CCDC126: variants seen among roughly 807,000 people sequenced by gnomAD.
The protein encoded by CCDC126 is coiled-coil domain containing 126.
In CCDC126, 5 loss-of-function variants were observed where a neutral mutation model predicts 11.7. The observed-to-expected ratio is 0.43, with a 90% CI of 0.22 to 0.90. CCDC126 has a LOEUF of 0.90. Ranked by LOEUF, CCDC126 falls within the 40% of genes least tolerant of loss-of-function variation. The pLI, the probability that CCDC126 is intolerant of heterozygous loss-of-function variation, is 0.27. For missense variants in CCDC126, 150 were observed against 163.1 expected, an observed-to-expected ratio of 0.92 and a Z score of 0.44; for synonymous variants, 60 against 61.9, an observed-to-expected ratio of 0.97 and a Z score of 0.14.
At chr7:23,640,406 C>CGAAT (rs1482410129) in intron 3 of CCDC126, among the ~76,000 whole-genome samples, 1 of 147,580 alleles carries the variant, frequency 6.8e-6, no homozygotes, top group Non-Finnish European at 1.5e-5. Flanking sequence ...CTGACGCAGG[C>CGAAT]GAATCACTTG....
At chr7:23,605,990 T>G (rs79901724) in intron 2 of CCDC126, among the ~76,000 whole-genome samples, 5,683 of 150,686 alleles carry the variant, frequency 0.038, 195 homozygotes, top group African/African-American at 0.09. Context: ...CTGTTTTTTT[T>G]TGTGTGTGTG....
intron 3 of CCDC126, among the ~76,000 whole-genome samples, chr7:23,628,161 A>G (rs1783046230): frequency 6.6e-6 from 1 of 152,214 alleles, no homozygotes; most frequent in Non-Finnish European, 1.5e-5. Context: ...GGGGACTTCT[A>G]GGAAAATGGA....
At position 23,642,106 on chromosome 7, in the gene CCDC126, G is replaced by A. The variant is rs188080738; in HGVS notation, c.239-825G>A. Among the ~76,000 whole-genome samples, 5 of 152,230 alleles carry A rather than the reference G, an allele frequency of 3.3e-5. No homozygotes were observed. The East Asian group carries it at 5.8e-4, about 18-fold the overall frequency. On this transcript the variant is annotated intron_variant, in intron 3 of 3. Transcript: ENST00000307471. ...TGCTCACTGCAAGCTCTGCCTCCCC[G>A]GTTCAAGGGATTCTCCTGCCTCAGC...
At chr7:23,605,918 A>G (rs1782615089) in intron 2 of CCDC126, among the ~76,000 whole-genome samples, 2 of 151,524 alleles carry the variant, frequency 1.3e-5, no homozygotes, top group Admixed American at 6.6e-5. Flanking sequence ...ACACCATTTT[A>G]TGTGCCCACC....
chr7:23,634,375 A>T (rs1384244151), intron 3 of CCDC126, among the ~76,000 whole-genome samples: 1 of 152,152 alleles, frequency 6.6e-6, no homozygotes, highest in Non-Finnish European at 1.5e-5. Context: ...AAATCACTTG[A>T]ATCCAGGAGG....
chr7:23,625,868 A>G (rs1281748212), intron 3 of CCDC126, among the ~76,000 whole-genome samples: 2 of 151,690 alleles, frequency 1.3e-5, no homozygotes, highest in Admixed American at 6.6e-5. Flanking sequence ...TGTGTTAGCC[A>G]GGATGGTCTC....
chr7:23,599,508 G>GTT (rs879596778), intron 2 of CCDC126, among the ~76,000 whole-genome samples: 1 of 144,080 alleles, frequency 6.9e-6, no homozygotes, highest in Non-Finnish European at 1.5e-5. Flanking sequence ...AGGTTTTGTT[G>GTT]TTTTTTTTTT....
intron 3 of CCDC126, among the ~76,000 whole-genome samples, chr7:23,637,240 T>C (rs868312772): frequency 2.4e-3 from 42 of 17,804 alleles, no homozygotes; most frequent in East Asian, 5.3e-3. Context: ...GCCGCCCCGT[T>C]CGGGAGGGAG....
chr7:23,631,202 A>G (rs1315378462), intron 3 of CCDC126, among the ~76,000 whole-genome samples: 4 of 152,182 alleles, frequency 2.6e-5, no homozygotes, highest in South Asian at 2.1e-4. Context: ...GAGAATATCA[A>G]TGAAACAAAG....
intron 3 of CCDC126, among the ~76,000 whole-genome samples, chr7:23,623,062 C>G (rs2128018597): frequency 6.6e-6 from 1 of 150,748 alleles, no homozygotes; most frequent in South Asian, 2.1e-4. Flanking sequence ...CAGCCTCTGC[C>G]TCCCGGGTTC....
At chr7:23,638,503 G>C (rs1783285573) in intron 3 of CCDC126, among the ~76,000 whole-genome samples, 1 of 115,402 alleles carries the variant, frequency 8.7e-6, no homozygotes, top group South Asian at 3.5e-4. Flanking sequence ...TTGTTAAACA[G>C]ATGCTTGAAG....
chr7:23,639,037 C>G (rs972961782), intron 3 of CCDC126, among the ~76,000 whole-genome samples: 3 of 151,864 alleles, frequency 2.0e-5, no homozygotes, highest in Non-Finnish European at 4.4e-5. Context: ...AATACTATTG[C>G]AACTCTTGAT....
In CCDC126 at chr7:23,643,528, CAATA is replaced by C. The variant is rs1783402759; in HGVS notation, c.*414_*417del. 6.4e-6 allele frequency: 1 copy of C among 155,946 alleles called. No individual in the cohort carries two copies. Among genetic ancestry groups the C allele is most frequent in the African/African-American group, 2.4e-5 (1 of 41,548 alleles). 9.7% of individuals were successfully genotyped at this position (155,946 alleles called of 1,614,324 possible). A position where few individuals can be genotyped will look rare whatever the true frequency, so the allele number is the denominator to read the frequency against. On this transcript the variant is annotated 3_prime_UTR_variant, in exon 4 of 4. Transcript: ENST00000307471. ...GTTTAATCATTCTGTCATTTGTTCTCAATAGATGTAACTGTTAGACTACGGCTAT... is the reference window on the plus strand; with the variant it reads ...GTTTAATCATTCTGTCATTTGTTCTCGATGTAACTGTTAGACTACGGCTAT...
intron 3 of CCDC126, among the ~76,000 whole-genome samples, chr7:23,637,157 G>C (rs1783244611): frequency 1.5e-5 from 1 of 65,728 alleles, no homozygotes. Context: ...CTACTGGGAA[G>C]TGAGGAGCCC....
chr7:23,634,335 GGGGT>G (rs1176300546), intron 3 of CCDC126, among the ~76,000 whole-genome samples: 2 of 152,052 alleles, frequency 1.3e-5, no homozygotes, highest in Non-Finnish European at 2.9e-5. Context: ...TATTTGGCAG[GGGGT>G]GGGGAGGGGG....
chr7:23,644,483 T>G lies in CCDC126; in HGVS notation c.*1368T>G, dbSNP rs1352889623. On this transcript the variant is annotated 3_prime_UTR_variant, in exon 4 of 4. Coordinates refer to ENST00000307471, the MANE Select transcript of CCDC126 (RefSeq NM_138771.4). ...ATATGCTACCACATGTAGCAATAAT[T>G]ACAATATTTTATTAAAATAAATATG... 6.6e-6 allele frequency: 1 copy of G among 152,532 alleles called. No homozygotes were observed. The highest frequency in any genetic ancestry group is 1.9e-4 in the East Asian group (1 of 5,196). 9.4% of individuals were successfully genotyped at this position (152,532 alleles called of 1,614,324 possible).
At chr7:23,642,126 C>T (rs190749821) in intron 3 of CCDC126, among the ~76,000 whole-genome samples, 507 of 152,288 alleles carry the variant, frequency 3.3e-3, no homozygotes, top group African/African-American at 0.012. Flanking sequence ...ATTCTCCTGC[C>T]TCAGCCTCCC....
rs1783423225 is a variant in CCDC126 at position 23,644,409 on chromosome 7, C to T, written c.*1294C>T. ...GTAACTGCTTAAGTGCAGCTAGCTT[C>T]TAGATTTAGACTATATAGAATTTAG... On this transcript the variant is annotated 3_prime_UTR_variant, in exon 4 of 4. Transcript: ENST00000307471. The T allele has an allele frequency of 6.6e-6, 1 of 152,338 alleles. No individual in the cohort carries two copies. The highest frequency in any genetic ancestry group is 6.6e-5 in the Admixed American group (1 of 15,254). The allele number at this position is 152,338 out of a possible 1,614,324, so 9.4% of individuals were successfully genotyped here. A position where few individuals can be genotyped will look rare whatever the true frequency, so the allele number is the denominator to read the frequency against.
At chr7:23,603,776 G>A (rs541194372) in intron 2 of CCDC126, among the ~76,000 whole-genome samples, 118 of 152,264 alleles carry the variant, frequency 7.7e-4, no homozygotes, top group Non-Finnish European at 8.5e-4. Context: ...GTGGGGTTAG[G>A]TTCAGGGATG....
Sources: gnomAD v4.1 joint callset for allele counts (sites outside exome capture counted in the v4.1 genomes callset) on GRCh38, gnomAD v4.1.1 for gene constraint, MANE v1.5 for transcripts, NCBI Gene and HGNC (gene_info 2026-07-23, HGNC 2026-07-21) for gene names.